ZNF354A: variants seen among roughly 807,000 people sequenced by gnomAD.
The protein encoded by ZNF354A is zinc finger protein 354A.
Under a neutral mutation model 53.3 loss-of-function variants are expected in ZNF354A, and 25 were observed. The observed-to-expected ratio is 0.47, with a 90% CI of 0.34 to 0.66. The LOEUF (loss-of-function observed/expected upper bound fraction) is 0.66, where lower values mean the gene tolerates loss of function less well. Ranked by LOEUF, ZNF354A falls within the 30% of genes least tolerant of loss-of-function variation. The pLI is 0.01. For missense variants in ZNF354A, 586 were observed against 716.8 expected (o/e 0.82, Z 2.08); for synonymous variants, 228 against 249.0 (o/e 0.92, Z 0.79).
chr5:178,719,630 C>T (rs1765772343), intron 4 of ZNF354A, among the ~76,000 whole-genome samples: 2 of 152,206 alleles, frequency 1.3e-5, no homozygotes, highest in Non-Finnish European at 2.9e-5. Flanking sequence ...TATAGCTAGT[C>T]AGAGTAAAAG....
At chr5:178,714,204 C>A (rs146479953) in intron 4 of ZNF354A, among the ~76,000 whole-genome samples, 2 of 152,138 alleles carry the variant, frequency 1.3e-5, no homozygotes, top group African/African-American at 4.8e-5. Flanking sequence ...AGGGTTTCAC[C>A]GTGTTGGCCA....
chr5:178,727,054 C>T lies in ZNF354A; in HGVS notation c.105G>A (p.Gln35=), dbSNP rs929265883. The T allele has an allele frequency of 6.2e-6, 10 of 1,614,092 alleles. No individual in the cohort carries two copies. Among genetic ancestry groups the T allele is most frequent in the Non-Finnish European group, 8.5e-6 (10 of 1,179,986 alleles). The change falls in exon 3 of 5, where the codon CAG becomes CAA. Residue 35 remains glutamine (Q), a synonymous_variant. Transcript: ENST00000335815. ...RDEWRKLAPS[Q]RNLYRDVMLE... Reference sequence around the variant, plus strand: ...GCATCACATCCCGGTACAAGTTTCTCTGAGAAGGGGCCAGCTTTCTCCACT... The same window carrying T: ...GCATCACATCCCGGTACAAGTTTCTTTGAGAAGGGGCCAGCTTTCTCCACT...
At chr5:178,718,149 A>T (rs1189440365) in intron 4 of ZNF354A, among the ~76,000 whole-genome samples, 1 of 152,144 alleles carries the variant, frequency 6.6e-6, no homozygotes, top group Non-Finnish European at 1.5e-5. Context: ...TTAGTCCTGA[A>T]ATCATGTTTT....
rs1448635774 is a variant in ZNF354A at position 178,711,883 on chromosome 5, CACAA to C, written c.*173_*176del. The C allele has an allele frequency of 3.1e-6, 2 of 653,102 alleles. No individual in the cohort carries two copies. The highest frequency in any genetic ancestry group is 4.6e-6 in the Non-Finnish European group (2 of 431,122). The allele number at this position is 653,102 out of a possible 1,614,324, so 40.5% of individuals were successfully genotyped here. A position where few individuals can be genotyped will look rare whatever the true frequency, so the allele number is the denominator to read the frequency against. ...GTTATTTTTTTAAGTGTCTGACAGG[CACAA>C]ACACTTTCCTCATATCTATTATATA... On this transcript the variant is annotated 3_prime_UTR_variant, in exon 5 of 5. Transcript: ENST00000335815.
At position 178,712,527 on chromosome 5, in the gene ZNF354A, A is replaced by G. The variant is rs148731832; in HGVS notation, c.1351T>C (p.Ser451Pro). 1.2e-6 allele frequency: 2 copies of G among 1,614,056 alleles called. No individual in the cohort carries two copies. The highest frequency in any genetic ancestry group is 2.7e-5 in the African/African-American group (2 of 74,922). Reference sequence around the variant, plus strand: ...ATTCGCTCGTGAATAATAAGTGTTGAGTGGGAGCTTAAGGCTTTACCACAT... The same window carrying G: ...ATTCGCTCGTGAATAATAAGTGTTGGGTGGGAGCTTAAGGCTTTACCACAT... Reference protein sequence around the residue: ...NECGKALSSHSTLIIHERIHT... With the variant: ...NECGKALSSHPTLIIHERIHT... Residue 451 changes from serine (S) to proline (P), a missense_variant, in exon 5 of 5, where the codon TCA (serine) becomes CCA (proline). By Grantham distance (74) the Ser-to-Pro change is moderately conservative (BLOSUM62 -1). Coordinates refer to ENST00000335815, the MANE Select transcript of ZNF354A (RefSeq NM_005649.3).
Position 178,713,468 on chromosome 5 carries a change from T to A in ZNF354A, c.410A>T (p.Asp137Val). The change falls in exon 5 of 5, where the codon GAT becomes GTT. Residue 137 changes from aspartate (D) to valine (V), a missense_variant. Asp to Val is a radical substitution (Grantham distance 152). Coordinates refer to ENST00000335815, the MANE Select transcript of ZNF354A (RefSeq NM_005649.3). Reference protein sequence around the residue: ...IYEGRLEKKQDKKGSFQIVSA... With the variant: ...IYEGRLEKKQVKKGSFQIVSA... ...AACTATCTGAAAACTTCCCTTTTTA[T>A]CCTGCTTTTTCTCTAATCTGCCTTC... 6.2e-7 allele frequency: 1 copy of A among 1,613,922 alleles called. No individual in the cohort carries two copies. Among genetic ancestry groups the A allele is most frequent in the Non-Finnish European group, 8.5e-7 (1 of 1,179,980 alleles).
At chr5:178,723,799 C>A (rs191198565) in intron 4 of ZNF354A, among the ~76,000 whole-genome samples, 7 of 151,938 alleles carry the variant, frequency 4.6e-5, no homozygotes, top group African/African-American at 1.2e-4. Flanking sequence ...CAGAGCCCCC[C>A]CAGTTCAACC....
chr5:178,728,554 C>T (rs1443121231), intron 2 of ZNF354A, among the ~76,000 whole-genome samples: 1 of 151,738 alleles, frequency 6.6e-6, no homozygotes, highest in Non-Finnish European at 1.5e-5. Flanking sequence ...CTTTGGGAGG[C>T]TGAGGCGGGT....
In ZNF354A at chr5:178,713,209, G is replaced by T. The variant is rs755651031; in HGVS notation, c.669C>A (p.Phe223Leu). Reference protein sequence around the residue: ...RYKCSLCEKTFINTSSLRKHE... With the variant: ...RYKCSLCEKTLINTSSLRKHE... Reference sequence around the variant, plus strand: ...GTTTACGAAGGGATGAAGTGTTAATGAAGGTTTTTTCACACAGACTACATT... The same window carrying T: ...GTTTACGAAGGGATGAAGTGTTAATTAAGGTTTTTTCACACAGACTACATT... Residue 223 changes from phenylalanine (F) to leucine (L), a missense_variant, in exon 5 of 5, where the codon TTC becomes TTA. Coordinates refer to ENST00000335815, the MANE Select transcript of ZNF354A (RefSeq NM_005649.3). 3 of 1,614,138 alleles carry T rather than the reference G, an allele frequency of 1.9e-6. No homozygotes were observed. The East Asian group carries it at 6.7e-5, about 36-fold the overall frequency.
In ZNF354A at chr5:178,726,341, C is replaced by A. The variant is rs186494513; in HGVS notation, c.160+658G>T. 533 of 362,822 alleles carry A rather than the reference C, an allele frequency of 1.5e-3. 2 individuals are homozygous for A. The highest frequency in any genetic ancestry group is 0.011 in the African/African-American group (497 of 45,996). 22.5% of individuals were successfully genotyped at this position (362,822 alleles called of 1,614,324 possible). Reference sequence around the variant, plus strand: ...CTTTTTTTTTTTTGAGACAGAGTCTCGCTTTGTCGCCCAGGCTGGAGTGCA... The same window carrying A: ...CTTTTTTTTTTTTGAGACAGAGTCTAGCTTTGTCGCCCAGGCTGGAGTGCA... On this transcript the variant is annotated intron_variant, in intron 3 of 4. Coordinates refer to ENST00000335815, the MANE Select transcript of ZNF354A (RefSeq NM_005649.3).
chr5:178,724,572 G>A (rs914006749), intron 4 of ZNF354A, among the ~76,000 whole-genome samples: 2 of 152,098 alleles, frequency 1.3e-5, no homozygotes, highest in African/African-American at 4.8e-5. Flanking sequence ...CCATTCTTGT[G>A]AATTCAAATC....
intron 1 of ZNF354A, among the ~76,000 whole-genome samples, chr5:178,729,889 G>GAGTCTCGCTCTGTC (rs2113892029): frequency 1.1e-5 from 1 of 89,874 alleles, no homozygotes; most frequent in African/African-American, 3.1e-5. Context: ...TTTTGAGACG[G>GAGTCTCGCTCTGTC]AGTCTCGCTC....
chr5:178,729,926 T>C (rs1400202333), intron 1 of ZNF354A, among the ~76,000 whole-genome samples: 2 of 137,958 alleles, frequency 1.4e-5, no homozygotes, highest in African/African-American at 5.5e-5. Context: ...GTGCAGGGCT[T>C]GATCTCGGCT....
intron 4 of ZNF354A, among the ~76,000 whole-genome samples, chr5:178,721,948 C>T (rs865861943): frequency 6.6e-6 from 1 of 152,102 alleles, no homozygotes; most frequent in African/African-American, 2.4e-5. Context: ...TCCCTCAGCC[C>T]CCTCATCTAA....
chr5:178,712,031 T>A lies in ZNF354A; in HGVS notation c.*29A>T, dbSNP rs1324630871. 6.5e-7 allele frequency: 1 copy of A among 1,541,494 alleles called. No individual in the cohort carries two copies. The highest frequency in any genetic ancestry group is 8.7e-7 in the Non-Finnish European group (1 of 1,148,636). On this transcript the variant is annotated 3_prime_UTR_variant, in exon 5 of 5. Transcript: ENST00000335815. Reference sequence around the variant, plus strand: ...ATGTATTCTTCGATGAGCTTTGGTTTAAGGCTTTCACACATACAAATCTAC... The same window carrying A: ...ATGTATTCTTCGATGAGCTTTGGTTAAAGGCTTTCACACATACAAATCTAC...
At position 178,718,663 on chromosome 5, in the gene ZNF354A, TCAGTTAATTTAC is replaced by T. The variant is rs1765757530; in HGVS notation, c.257-5054_257-5043del. On this transcript the variant is annotated intron_variant, in intron 4 of 4. Coordinates refer to ENST00000335815, the MANE Select transcript of ZNF354A (RefSeq NM_005649.3). The stretch of plus-strand genomic sequence containing the variant: ...AGTTCAAAATGACACCATCATCTCT[TCAGTTAATTTAC>T]CGTAAATTCTTAGTTTTATCTTAGA... Among the ~76,000 whole-genome samples, 4 of 152,358 alleles carry T rather than the reference TCAGTTAATTTAC, an allele frequency of 2.6e-5. No homozygotes were observed. In the South Asian group the frequency reaches 8.3e-4, roughly 32 times the overall value.
intron 4 of ZNF354A, among the ~76,000 whole-genome samples, chr5:178,721,309 C>T (rs951145656): frequency 1.3e-5 from 2 of 152,100 alleles, no homozygotes; most frequent in African/African-American, 4.8e-5. Context: ...CCCTATACAG[C>T]ATGTTACTTA....
rs1247242580 is a variant in ZNF354A, at chr5:178,725,554, C to T, written c.161-83G>A. The stretch of plus-strand genomic sequence containing the variant: ...AGTTATCCCAAATTTAAATACAGAA[C>T]TCACAGGATGGTACAAAGAGCTTCT... On this transcript the variant is annotated intron_variant, in intron 3 of 4. Transcript: ENST00000335815. 5.6e-6 allele frequency: 8 copies of T among 1,420,002 alleles called. No homozygotes were observed. The Admixed American group carries it at 1.3e-4, about 22-fold the overall frequency. The allele number at this position is 1,420,002 out of a possible 1,614,324, so 88.0% of individuals were successfully genotyped here. A position where few individuals can be genotyped will look rare whatever the true frequency, so the allele number is the denominator to read the frequency against.
chr5:178,720,210 C>T (rs1765786942), intron 4 of ZNF354A, among the ~76,000 whole-genome samples: 1 of 152,214 alleles, frequency 6.6e-6, no homozygotes, highest in African/African-American at 2.4e-5. Context: ...TACAGTGAAT[C>T]TCCAGCCAGT....
Sources: gnomAD v4.1 joint callset for allele counts (sites outside exome capture counted in the v4.1 genomes callset) on GRCh38, gnomAD v4.1.1 for gene constraint, MANE v1.5 for transcripts, NCBI Gene and HGNC (gene_info 2026-07-23, HGNC 2026-07-21) for gene names.